The following GLOD4 variants were observed in gnomAD, a reference collection of about 807,000 sequenced individuals.
GLOD4 encodes glyoxalase domain containing 4, also known as glyoxalase domain-containing protein 4.
Under a neutral mutation model 39.1 loss-of-function variants are expected in GLOD4, and 44 were observed. The ratio of observed to expected loss-of-function variants is 1.13; its 90% CI spans 0.88 to 1.45. The LOEUF is 1.45. GLOD4 is among the 40% of genes most tolerant of loss of function. GLOD4 has a pLI of 0.00. For synonymous variants in GLOD4, 145 were observed against 135.0 expected (o/e 1.07, Z -0.52); for missense variants, 405 against 366.4 (o/e 1.11, Z -0.86).
intron 8 of GLOD4, among the ~76,000 whole-genome samples, chr17:765,616 G>A (rs183086466): frequency 1.4e-3 from 214 of 150,312 alleles, no homozygotes; most frequent in African/African-American, 5.0e-3. Context: ...GATCACCTGA[G>A]GTCAGGAGTT....
intron 8 of GLOD4, among the ~76,000 whole-genome samples, chr17:765,880 T>C (rs914561545): frequency 5.3e-5 from 8 of 151,588 alleles, no homozygotes; most frequent in Admixed American, 5.2e-4. Context: ...TGCTTGAACC[T>C]GGGAGGCAGA....
rs144872669 is a variant in GLOD4 at position 765,780 on chromosome 17, C to T, written c.831+4089G>A. Among the ~76,000 whole-genome samples the T allele has an allele frequency of 5.9e-5, 9 of 151,950 alleles. No individual in the cohort carries two copies. The East Asian group carries it at 1.8e-3, about 30-fold the overall frequency. On this transcript the variant is annotated intron_variant, in intron 8 of 8. Transcript: ENST00000301329. ...CCTGACCAACATGGTGAAACCCCATCTCTACTAAAAATACAAAAATTAGCC... is the reference window on the plus strand; with the variant it reads ...CCTGACCAACATGGTGAAACCCCATTTCTACTAAAAATACAAAAATTAGCC...
chr17:783,940 AT>A (rs574510352), upstream of GLOD4, among the ~76,000 whole-genome samples: 19 of 152,232 alleles, frequency 1.2e-4, no homozygotes, highest in African/African-American at 4.6e-4. Context: ...TGAGCCCTTC[AT>A]TTTTGCAAAA....
chr17:768,497 TGA>T (rs1156837278), intron 8 of GLOD4, among the ~76,000 whole-genome samples: 10 of 113,214 alleles, frequency 8.8e-5, no homozygotes, highest in African/African-American at 1.5e-4. Context: ...GGAGAGGACG[TGA>T]GAGAGAGAAA....
chr17:774,423 C>A (rs1404851018), intron 4 of GLOD4, among the ~76,000 whole-genome samples: 3 of 152,228 alleles, frequency 2.0e-5, no homozygotes, highest in Non-Finnish European at 4.4e-5. Flanking sequence ...CCAGCATTTT[C>A]CCCGTTTTTG....
At chr17:767,119 A>T (rs1906714813) in intron 8 of GLOD4, among the ~76,000 whole-genome samples, 1 of 152,238 alleles carries the variant, frequency 6.6e-6, no homozygotes, top group Non-Finnish European at 1.5e-5. Context: ...TATGAGATAG[A>T]TCCTCTTATT....
At chr17:775,667 A>T in intron 4 of GLOD4, 108 bp downstream of exon 4, 1 of 850,514 alleles carries the variant, frequency 1.2e-6, no homozygotes, top group South Asian at 1.6e-5. Context: ...GCTGGGGAAG[A>T]CACGTCACGT....
At chr17:762,672 A>T (rs1300585083) in intron 8 of GLOD4, among the ~76,000 whole-genome samples, 2 of 135,710 alleles carry the variant, frequency 1.5e-5, no homozygotes, top group Non-Finnish European at 3.1e-5. Context: ...GAAGGGGAAT[A>T]ATTTCATCAC....
In GLOD4 at chr17:782,188, T is replaced by C. The variant is rs879191124; in HGVS notation, c.68A>G (p.Tyr23Cys). 1 of 1,608,724 alleles carries C rather than the reference T, an allele frequency of 6.2e-7. No individual in the cohort carries two copies. The highest frequency in any genetic ancestry group is 2.2e-5 in the East Asian group (1 of 44,748). Residue 23 changes from tyrosine (Y) to cysteine (C), a missense_variant, in exon 1 of 9, where the codon TAT becomes TGT. Physicochemically the swap from Tyr to Cys is radical, Grantham distance 194. Coordinates refer to ENST00000301329, the MANE Select transcript of GLOD4 (RefSeq NM_016080.4). ...CACCTTCATCCCCAGGACGTCCCGA[T>C]AGAAACGCGCCGTCTGGAAGCGGTT... Reference protein sequence around the residue: ...VGNRFQTARFYRDVLGMKVLR... With the variant: ...VGNRFQTARFCRDVLGMKVLR...
intron 8 of GLOD4, among the ~76,000 whole-genome samples, chr17:765,619 CAGG>C (rs571154552): frequency 1.3e-4 from 20 of 150,012 alleles, no homozygotes; most frequent in Non-Finnish European, 2.5e-4. Flanking sequence ...CACCTGAGGT[CAGG>C]AGTTCAAGAG....
chr17:772,147 C>T (rs548383174), intron 4 of GLOD4, among the ~76,000 whole-genome samples: 2 of 127,110 alleles, frequency 1.6e-5, no homozygotes, highest in East Asian at 2.5e-4. Flanking sequence ...CAAGACTGCA[C>T]TACTGCACTC....
chr17:772,831 T>C (rs1908211367), intron 4 of GLOD4, among the ~76,000 whole-genome samples: 1 of 151,910 alleles, frequency 6.6e-6, no homozygotes, highest in Non-Finnish European at 1.5e-5. Context: ...CCGTCTCTAC[T>C]AAAAATACAA....
intron 1 of GLOD4, among the ~76,000 whole-genome samples, chr17:779,632 C>T (rs1303976420): frequency 1.4e-5 from 2 of 144,236 alleles, no homozygotes; most frequent in Non-Finnish European, 3.0e-5. Context: ...GAGCAAAACT[C>T]AAACTCAAAA....
upstream of GLOD4, chr17:783,489 AC>A: frequency 1.6e-6 from 1 of 632,372 alleles, no homozygotes; most frequent in Non-Finnish European, 2.5e-6. Context: ...GGCGTCTGCC[AC>A]CATGCCCGGG....
intron 4 of GLOD4, 39 bp downstream of exon 4, chr17:775,736 C>A: frequency 6.4e-7 from 1 of 1,573,238 alleles, no homozygotes. Context: ...ACCAAAGATG[C>A]CTTTAGACAG....
intron 5 of GLOD4, 58 bp from the exon 6 acceptor site, chr17:770,565 T>C: frequency 1.2e-6 from 1 of 820,118 alleles, no homozygotes; most frequent in African/African-American, 1.7e-5. Flanking sequence ...TACACGTATG[T>C]GGTAGAAAAA....
At chr17:770,681 C>A (rs1021681926) in intron 5 of GLOD4, 174 bp from the exon 6 acceptor site, 1 of 482,710 alleles carries the variant, frequency 2.1e-6, no homozygotes, top group Non-Finnish European at 3.7e-6. Context: ...TCTAGAAGCA[C>A]TGCACGCATC....
intron 8 of GLOD4, chr17:765,419 T>A (rs941585335): frequency 7.3e-5 from 11 of 149,758 alleles, no homozygotes; most frequent in Admixed American, 6.2e-4. Flanking sequence ...CTCATCAGAG[T>A]GGAGGAAGAA....
chr17:777,549 G>A (rs974482591), intron 2 of GLOD4: 1 of 152,530 alleles, frequency 6.6e-6, no homozygotes, highest in Non-Finnish European at 1.5e-5. Context: ...GGCTGAGGGA[G>A]GAGAATTGCT....
Sources: allele counts gnomAD v4.1 joint callset (sites outside exome capture counted in the v4.1 genomes callset), GRCh38; gene constraint gnomAD v4.1.1; transcripts MANE v1.5; gene names NCBI Gene and HGNC (gene_info 2026-07-23, HGNC 2026-07-21).